Variants in DNAH1 observed in about 807,000 individuals in gnomAD.
DNAH1 encodes dynein axonemal heavy chain 1, also known as axonemal beta dynein heavy chain 1.
Under a neutral mutation model 484.3 loss-of-function variants are expected in DNAH1, and 327 were observed. The observed-to-expected ratio is 0.68, with a 90% CI of 0.62 to 0.74. The LOEUF (loss-of-function observed/expected upper bound fraction) is 0.74. DNAH1 is among the 30% of genes least tolerant of loss of function. The probability of loss-of-function intolerance (pLI) is 0.00; values close to 1 mark genes in which losing one functional copy is unlikely to be tolerated. For missense variants in DNAH1, 5,052 were observed against 5,546.8 expected, an observed-to-expected ratio of 0.91 and a Z score of 2.83; for synonymous variants, 2,192 against 2,191.9, an observed-to-expected ratio of 1.00 and a Z score of 0.00.
chr3:52,379,583 G>A lies in DNAH1; in HGVS notation c.7378-322G>A, dbSNP rs1172179118. On this transcript the variant is annotated intron_variant, in intron 47 of 77. Coordinates refer to ENST00000420323, the MANE Select transcript of DNAH1 (RefSeq NM_015512.5). The surrounding 1 kb of genome is among the most constrained non-coding windows in gnomAD (Gnocchi z 4.4). ...CATCCCTCCCAGGTTTGGGGTTAGG[G>A]GAGCGACAGGGGGCTAAAAGGTGGA... 6.6e-6 allele frequency among the ~76,000 whole-genome samples: 1 copy of A among 152,170 alleles called. No individual in the cohort carries two copies. The highest frequency in any genetic ancestry group is 1.9e-4 in the East Asian group (1 of 5,182).
chr3:52,346,780 G>A lies in DNAH1; in HGVS notation c.1955+10G>A, dbSNP rs777008373. On this transcript the variant is annotated intron_variant, in intron 11 of 77. Coordinates refer to ENST00000420323, the MANE Select transcript of DNAH1 (RefSeq NM_015512.5). ...TTAACAGCCCCTACAGGTGGGGCCC[G>A]GCGGGGCGGAGGCACCTGTTGACAC... The A allele has an allele frequency of 2.6e-5, 42 of 1,598,916 alleles. No individual in the cohort carries two copies. Among genetic ancestry groups the A allele is most frequent in the East Asian group, 2.0e-4 (9 of 44,460 alleles).
At chr3:52,371,526 C>T (rs1310697471) in intron 41 of DNAH1, among the ~76,000 whole-genome samples, 1 of 152,224 alleles carries the variant, frequency 6.6e-6, no homozygotes, top group East Asian at 1.9e-4. Flanking sequence ...CTAGTGGCCT[C>T]TCAGCTTCCA....
At chr3:52,350,391 C>A in intron 15 of DNAH1, 117 bp from the exon 16 acceptor site, 1 of 1,087,848 alleles carries the variant, frequency 9.2e-7, no homozygotes, top group Non-Finnish European at 1.4e-6. Flanking sequence ...TGGCCCAGAC[C>A]TCCCCATTCT....
intron 1 of DNAH1, among the ~76,000 whole-genome samples, chr3:52,320,889 C>T (rs1365248392): frequency 1.4e-5 from 2 of 147,850 alleles, no homozygotes; most frequent in Non-Finnish European, 3.0e-5. Flanking sequence ...CAACCTCTGT[C>T]TCCCGGGTTC....
Position 52,349,408 on chromosome 3 carries a change from G to A in DNAH1, c.2514G>A (p.Lys838=), listed in dbSNP as rs1184290669. ...ACATCCTTGCCAAGAACCTGCATAAGGAGGTGGATAGCGTAAGTGCCCACC... is the reference window on the plus strand; with the variant it reads ...ACATCCTTGCCAAGAACCTGCATAAAGAGGTGGATAGCGTAAGTGCCCACC... ...VLDILAKNLH[K]EVDSICEEFR... Residue 838 remains lysine, a synonymous_variant, in exon 14 of 78, where the codon AAG becomes AAA. Coordinates refer to ENST00000420323, the MANE Select transcript of DNAH1 (RefSeq NM_015512.5). 1.9e-6 allele frequency: 3 copies of A among 1,613,670 alleles called. No homozygotes were observed. The highest frequency in any genetic ancestry group is 2.5e-6 in the Non-Finnish European group (3 of 1,179,872).
intron 10 of DNAH1, 48 bp from the exon 11 acceptor site, chr3:52,346,424 T>TC: frequency 1.3e-6 from 2 of 1,545,394 alleles, no homozygotes; most frequent in Non-Finnish European, 1.7e-6. Context: ...CAGCTATAGG[T>TC]CGTGGGTCCC....
chr3:52,357,285 C>T (rs1362088052), intron 22 of DNAH1, among the ~76,000 whole-genome samples: 3 of 152,134 alleles, frequency 2.0e-5, no homozygotes, highest in Admixed American at 6.5e-5. Flanking sequence ...AACTCCTGAC[C>T]TCAGGTGATC....
At chr3:52,399,859 C>T (rs1173233952) in intron 77 of DNAH1, 80 bp downstream of exon 77, 4 of 1,411,880 alleles carry the variant, frequency 2.8e-6, no homozygotes, top group Non-Finnish European at 3.9e-6. Flanking sequence ...AGTCACTTAT[C>T]CAGGTTAGCT....
At chr3:52,359,730 C>G (rs1328811587) in intron 26 of DNAH1, among the ~76,000 whole-genome samples, 186 bp from the exon 27 acceptor site, 1 of 152,250 alleles carries the variant, frequency 6.6e-6, no homozygotes, top group Admixed American at 6.5e-5. Context: ...GAGGCAGACG[C>G]CAGGCATGTG....
chr3:52,350,060 G>C lies in DNAH1; in HGVS notation c.2598G>C (p.Glu866Asp). 6.2e-7 allele frequency: 1 copy of C among 1,613,270 alleles called. No homozygotes were observed. Among genetic ancestry groups the C allele is most frequent in the Non-Finnish European group, 8.5e-7 (1 of 1,179,776 alleles). ...CCAACAGCATTGAGGAGCTGGCTGAGCTGCGAGAGTGGATGAAGGGCATCC... is the reference window on the plus strand; with the variant it reads ...CCAACAGCATTGAGGAGCTGGCTGACCTGCGAGAGTGGATGAAGGGCATCC... ...EKPNSIEELA[E>D]LREWMKGIPE... Residue 866 changes from glutamate to aspartate, a missense_variant, in exon 15 of 78, where the codon GAG becomes GAC. By Grantham distance (45) the Glu-to-Asp change is conservative. This residue lies in a region of DNAH1 where 1,263 missense variants were observed against 1,218.8 expected (regional missense o/e 1.04). Coordinates refer to ENST00000420323, the MANE Select transcript of DNAH1 (RefSeq NM_015512.5).
At chr3:52,334,716 C>T (rs577680439) in intron 8 of DNAH1, among the ~76,000 whole-genome samples, 1 of 152,154 alleles carries the variant, frequency 6.6e-6, no homozygotes. Context: ...TCGCCTGAAC[C>T]TGGGAGGCAG....
chr3:52,352,425 A>G (rs1702423024), intron 17 of DNAH1, 127 bp from the exon 18 acceptor site: 1 of 1,322,316 alleles, frequency 7.6e-7, no homozygotes, highest in Non-Finnish European at 1.0e-6. Flanking sequence ...TCACTCCAGG[A>G]GAACAACCTC....
At chr3:52,377,670 C>G (rs564762796) in intron 46 of DNAH1, among the ~76,000 whole-genome samples, 3 of 152,218 alleles carry the variant, frequency 2.0e-5, no homozygotes, top group African/African-American at 7.2e-5. Context: ...GCTCCCACCT[C>G]CAGGCCTTTG....
intron 8 of DNAH1, among the ~76,000 whole-genome samples, chr3:52,342,621 C>G (rs1324492186): frequency 6.6e-6 from 1 of 152,192 alleles, no homozygotes; most frequent in Non-Finnish European, 1.5e-5. Context: ...GCAGGGGTCA[C>G]CCACCCTCAG....
At chr3:52,390,012 C>G (rs1244166117) in intron 60 of DNAH1, among the ~76,000 whole-genome samples, 1 of 152,170 alleles carries the variant, frequency 6.6e-6, no homozygotes, top group African/African-American at 2.4e-5. Context: ...CCCAGCTACT[C>G]AGGAGGCTGA....
Position 52,383,879 on chromosome 3 carries a change from C to T in DNAH1, c.8170C>T (p.Arg2724Ter), listed in dbSNP as rs1020480721. The T allele has an allele frequency of 1.4e-5, 23 of 1,601,732 alleles. No homozygotes were observed. Among genetic ancestry groups the T allele is most frequent in the East Asian group, 4.5e-5 (2 of 44,594 alleles). The change falls in exon 52 of 78, where the codon CGA becomes TGA. Residue 2724 changes from arginine (R) to a stop codon, truncating the protein, a stop_gained. Coordinates refer to ENST00000420323, the MANE Select transcript of DNAH1 (RefSeq NM_015512.5). LOFTEE classifies it high-confidence loss of function. The part of the protein sequence containing the change: ...LCMSPIGEVF[R>*]ARLRQFPSLV... Reference sequence around the variant, plus strand: ...TTCCAGCCCCATCGGAGAGGTCTTCCGAGCTCGTCTGAGGCAGTTTCCCTC... The same window carrying T: ...TTCCAGCCCCATCGGAGAGGTCTTCTGAGCTCGTCTGAGGCAGTTTCCCTC...
In DNAH1 at chr3:52,358,451, T is replaced by C; in HGVS notation, c.4087-107T>C. On this transcript the variant is annotated intron_variant, in intron 24 of 77. Transcript: ENST00000420323. This position sits in a 1 kb window ranked among gnomAD's most constrained non-coding sequence, Gnocchi z 4.2. ...TCGGGGGGACGGGAAGGCAGGGCTT[T>C]CTTCTTGAGGTGGAGGGCACCGGGC... 1 of 1,229,484 alleles carries C rather than the reference T, an allele frequency of 8.1e-7. No individual in the cohort carries two copies. The highest frequency in any genetic ancestry group is 1.1e-6 in the Non-Finnish European group (1 of 902,958). The allele number at this position is 1,229,484 out of a possible 1,614,324, so 76.2% of individuals were successfully genotyped here.
At chr3:52,370,850 C>A in intron 41 of DNAH1, 25 bp downstream of exon 41, 1 of 1,566,764 alleles carries the variant, frequency 6.4e-7, no homozygotes, top group Non-Finnish European at 8.7e-7. Context: ...TCCCCAGAGA[C>A]TGCACAGGGA....
Position 52,383,434 on chromosome 3 carries a change from G to A in DNAH1, c.7990G>A (p.Gly2664Ser), listed in dbSNP as rs748188907. 1 of 1,613,996 alleles carries A rather than the reference G, an allele frequency of 6.2e-7. No homozygotes were observed. Among genetic ancestry groups the A allele is most frequent in the South Asian group, 1.1e-5 (1 of 91,076 alleles). Residue 2664 changes from glycine to serine, a missense_variant, in exon 51 of 78, where the codon GGT (glycine) becomes AGT (serine). Physicochemically the swap from Gly to Ser is moderately conservative, Grantham distance 56 (BLOSUM62 0). This residue lies in a region of DNAH1 where 2,929 missense variants were observed against 3,409.4 expected (regional missense o/e 0.86). Coordinates refer to ENST00000420323, the MANE Select transcript of DNAH1 (RefSeq NM_015512.5). ...AGATATCAACAACGTCCTAAACTCT[G>A]GTGACATTCCCAATCTGTATACTGC... is the stretch of plus-strand genomic sequence containing the variant. ...LEDINNVLNS[G>S]DIPNLYTADE...
Sources: gnomAD v4.1 joint callset for allele counts (sites outside exome capture counted in the v4.1 genomes callset) on GRCh38, gnomAD v4.1.1 for gene constraint, gnomAD v4.1.1 regional missense constraint, Gnocchi (gnomAD v3.1) non-coding constraint, MANE v1.5 for transcripts, NCBI Gene and HGNC (gene_info 2026-07-23, HGNC 2026-07-21) for gene names.